SOCS7: variants seen among roughly 807,000 people sequenced by gnomAD.
SOCS7 encodes the protein suppressor of cytokine signaling 7.
In SOCS7, 18 loss-of-function variants were observed where a neutral mutation model predicts 58.9. That is an observed-to-expected ratio of 0.31 (90% CI 0.21 to 0.45). The LOEUF (loss-of-function observed/expected upper bound fraction) is 0.45, where lower values mean the gene tolerates loss of function less well. Among genes scored for constraint, SOCS7 ranks in the 20% least tolerant of loss-of-function variants. The pLI is 1.00. For missense variants in SOCS7, 667 were observed against 837.3 expected (o/e 0.80, Z 2.51); for synonymous variants, 388 against 364.3 (o/e 1.06, Z -0.74).
At chr17:38,375,668 TGAG>T (rs904670794) in intron 6 of SOCS7, among the ~76,000 whole-genome samples, 2 of 152,092 alleles carry the variant, frequency 1.3e-5, no homozygotes, top group African/African-American at 2.4e-5. Flanking sequence ...TTGGTGGGGT[TGAG>T]GAGGATGTTG....
chr17:38,364,713 A>G (rs896545172), intron 2 of SOCS7, 39 bp from the exon 3 acceptor site: 7 of 1,555,932 alleles, frequency 4.5e-6, no homozygotes, highest in Non-Finnish European at 6.2e-6. Context: ...GCTTTGGGCA[A>G]GGCGCTTCTG....
chr17:38,361,102 G>A (rs1464806512), intron 1 of SOCS7, among the ~76,000 whole-genome samples: 6 of 152,238 alleles, frequency 3.9e-5, no homozygotes, highest in South Asian at 2.1e-4. Flanking sequence ...TCAGAGAGAC[G>A]AATGGGCCCT....
intron 7 of SOCS7, among the ~76,000 whole-genome samples, chr17:38,380,755 A>T (rs985093992): frequency 3.3e-5 from 5 of 152,086 alleles, no homozygotes; most frequent in Admixed American, 3.3e-4. Flanking sequence ...GCTACCTGGG[A>T]GGCTGAGGCA....
At chr17:38,355,731 A>T (rs1376341332) in intron 1 of SOCS7, among the ~76,000 whole-genome samples, 3 of 152,184 alleles carry the variant, frequency 2.0e-5, no homozygotes, top group Non-Finnish European at 4.4e-5. Context: ...TATTCCCAAC[A>T]TCTGCCTTCC....
At chr17:38,372,086 T>C (rs1168292629) in intron 6 of SOCS7, among the ~76,000 whole-genome samples, 3 of 152,162 alleles carry the variant, frequency 2.0e-5, no homozygotes, top group Admixed American at 6.6e-5. Context: ...GGGTTTGAAC[T>C]GCGCAGGTCT....
chr17:38,359,374 A>G (rs1183135347), intron 1 of SOCS7, among the ~76,000 whole-genome samples: 1 of 152,162 alleles, frequency 6.6e-6, no homozygotes, highest in Non-Finnish European at 1.5e-5. Flanking sequence ...CAAGTATGGA[A>G]GAGGTTGCCA....
chr17:38,373,717 C>CA (rs1266127844), intron 6 of SOCS7, among the ~76,000 whole-genome samples: 1 of 152,192 alleles, frequency 6.6e-6, no homozygotes, highest in East Asian at 1.9e-4. Context: ...TGCCCCTGGC[C>CA]ACCCAGAACC....
intron 9 of SOCS7, among the ~76,000 whole-genome samples, chr17:38,396,724 A>G (rs2038249763): frequency 6.6e-6 from 1 of 152,220 alleles, no homozygotes; most frequent in Admixed American, 6.5e-5. Context: ...TTGTGGGGCC[A>G]AGTTCCTGAG....
At chr17:38,361,844 CTTACAGAT>C in intron 2 of SOCS7, 69 bp downstream of exon 2, 1 of 1,079,898 alleles carries the variant, frequency 9.3e-7, no homozygotes, top group Non-Finnish European at 1.4e-6. Context: ...TTGGGAAACA[CTTACAGAT>C]GCATCACAGG....
chr17:38,368,338 G>A (rs1417880503), intron 6 of SOCS7, among the ~76,000 whole-genome samples: 1 of 151,998 alleles, frequency 6.6e-6, no homozygotes, highest in Non-Finnish European at 1.5e-5. Context: ...GAAATGAGCC[G>A]GTAAAACTCT....
At chr17:38,365,721 G>C (rs1555568220) in intron 4 of SOCS7, 1 of 270,516 alleles carries the variant, frequency 3.7e-6, no homozygotes, top group African/African-American at 2.2e-5. Context: ...TTAATTTCAG[G>C]ATAGTGAGGT....
chr17:38,368,445 A>G (rs2037820160), intron 6 of SOCS7, among the ~76,000 whole-genome samples: 1 of 152,112 alleles, frequency 6.6e-6, no homozygotes, highest in African/African-American at 2.4e-5. Flanking sequence ...TTGTTAAATC[A>G]CGTATACAAA....
At chr17:38,390,677 TTCCTTCCTTCCTTCCTTCTC>T (rs1333816046) in intron 7 of SOCS7, among the ~76,000 whole-genome samples, 1 of 142,138 alleles carries the variant, frequency 7.0e-6, no homozygotes, top group African/African-American at 2.6e-5. Flanking sequence ...CCTTCCTTCC[TTCCTTCCTTCCTTCCTTCTC>T]TTTCTTTCTG....
At chr17:38,374,633 G>C (rs1242222659) in intron 6 of SOCS7, among the ~76,000 whole-genome samples, 1 of 152,162 alleles carries the variant, frequency 6.6e-6, no homozygotes, top group East Asian at 1.9e-4. Context: ...TCATGAAAGA[G>C]ATATGGCAAA....
rs186553952 is a variant in SOCS7 at position 38,359,795 on chromosome 17, T to A, written c.981-1916T>A. On this transcript the variant is annotated intron_variant, in intron 1 of 9. Transcript: ENST00000612932. ...AAATTTTTAATTAAAAAAAATTTTT[T>A]TTTGAGACAAGGTCTCTGTCACCCA... Among the ~76,000 whole-genome samples the A allele has an allele frequency of 1.6e-3, 237 of 151,916 alleles. 1 individual carries two copies. The highest frequency in any genetic ancestry group is 5.2e-3 in the African/African-American group (217 of 41,488).
At chr17:38,379,082 TG>T (rs2037967051) in intron 7 of SOCS7, among the ~76,000 whole-genome samples, 1 of 144,032 alleles carries the variant, frequency 6.9e-6, no homozygotes, top group Non-Finnish European at 1.5e-5. Flanking sequence ...CACTTGAGCC[TG>T]GGAGGCAGAG....
In SOCS7 at chr17:38,352,270, C is replaced by T. The variant is rs2037563256; in HGVS notation, c.218C>T (p.Pro73Leu). The T allele has an allele frequency of 6.8e-7, 1 of 1,478,462 alleles. No individual in the cohort carries two copies. The highest frequency in any genetic ancestry group is 1.3e-5 in the South Asian group (1 of 77,022). 91.6% of individuals were successfully genotyped at this position (1,478,462 alleles called of 1,614,324 possible). A position where few individuals can be genotyped will look rare whatever the true frequency, so the allele number is the denominator to read the frequency against. Residue 73 changes from proline to leucine, a missense_variant, in exon 1 of 10, where the codon CCG (proline) becomes CTG (leucine). This residue lies in a region of SOCS7 where 154 missense variants were observed against 156.3 expected (regional missense o/e 0.98). Coordinates refer to ENST00000612932, the MANE Select transcript of SOCS7 (RefSeq NM_014598.4). This position sits in a 1 kb window ranked among gnomAD's most constrained non-coding sequence, Gnocchi z 5.5. ...QLMVFRNVGR[P>L]PEEEDVEAAP... ...ATGGTGTTCCGCAACGTGGGTCGGC[C>T]GCCGGAGGAGGAGGACGTGGAGGCG... is the stretch of plus-strand genomic sequence containing the variant.
chr17:38,364,595 G>A (rs185661230), intron 2 of SOCS7, among the ~76,000 whole-genome samples, 157 bp from the exon 3 acceptor site: 2 of 152,160 alleles, frequency 1.3e-5, no homozygotes, highest in Non-Finnish European at 2.9e-5. Flanking sequence ...TGACTTCCTG[G>A]TGTTGGGGTG....
Position 38,402,418 on chromosome 17 carries a change from T to C in SOCS7, c.*2936T>C, listed in dbSNP as rs902088086. 2.0e-5 allele frequency: 3 copies of C among 152,336 alleles called. No homozygotes were observed. Among genetic ancestry groups the C allele is most frequent in the Admixed American group, 6.5e-5 (1 of 15,282 alleles). 9.4% of individuals were successfully genotyped at this position (152,336 alleles called of 1,614,324 possible). A position where few individuals can be genotyped will look rare whatever the true frequency, so the allele number is the denominator to read the frequency against. Reference sequence around the variant, plus strand: ...AGGCCCGTCCCTCCTTCGCCAGTGCTGTGCAGAGCTCATTTAAATGTATTC... The same window carrying C: ...AGGCCCGTCCCTCCTTCGCCAGTGCCGTGCAGAGCTCATTTAAATGTATTC... On this transcript the variant is annotated 3_prime_UTR_variant, in exon 10 of 10. Transcript: ENST00000612932.
Sources: allele counts gnomAD v4.1 joint callset (sites outside exome capture counted in the v4.1 genomes callset), GRCh38; gene constraint gnomAD v4.1.1; regional missense constraint gnomAD v4.1.1; non-coding constraint Gnocchi (gnomAD v3.1); transcripts MANE v1.5; gene names NCBI Gene and HGNC (gene_info 2026-07-23, HGNC 2026-07-21).